The following GEMIN5 variants were observed in gnomAD, a reference collection of about 807,000 sequenced individuals.
The protein encoded by GEMIN5 is gem-associated protein 5.
A neutral mutation model predicts 176.9 loss-of-function variants in GEMIN5; 124 were observed. The observed-to-expected ratio is 0.70, with a 90% CI of 0.61 to 0.81. The LOEUF (loss-of-function observed/expected upper bound fraction) is 0.81, where lower values mean the gene tolerates loss of function less well. GEMIN5 is among the 40% of genes least tolerant of loss of function. GEMIN5 has a pLI of 0.00. For synonymous variants in GEMIN5, 673 were observed against 665.2 expected (o/e 1.01, Z -0.18); for missense variants, 1,843 against 1,814.6 (o/e 1.02, Z -0.28).
In GEMIN5 at chr5:154,928,640, C is replaced by T. The variant is rs1561728119; in HGVS notation, c.801G>A (p.Leu267=). Residue 267 remains leucine (L), a synonymous_variant, in exon 6 of 28, where the codon TTG becomes TTA. Coordinates refer to ENST00000285873, the MANE Select transcript of GEMIN5 (RefSeq NM_015465.5). ...CCCCTCCTCTTCTCTTCAGAAAGGG[C>T]AATTTCAAAATCATCACCCCTGCAG... ...SRGRGVMILK[L]PFLKRRGGGI... 1.2e-6 allele frequency: 2 copies of T among 1,613,910 alleles called. No individual in the cohort carries two copies. Among genetic ancestry groups the T allele is most frequent in the Non-Finnish European group, 8.5e-7 (1 of 1,179,850 alleles).
At chr5:154,888,886 C>T (rs1763163798) in intron 27 of GEMIN5, among the ~76,000 whole-genome samples, 1 of 148,504 alleles carries the variant, frequency 6.7e-6, no homozygotes, top group Non-Finnish European at 1.5e-5. Context: ...GAGACAGAGT[C>T]TCGCTCTGTT....
intron 13 of GEMIN5, 30 bp from the exon 14 acceptor site, chr5:154,913,068 GCTA>G: frequency 1.3e-6 from 2 of 1,563,912 alleles, no homozygotes; most frequent in Non-Finnish European, 1.7e-6. Context: ...CATCACTGCT[GCTA>G]CTACTAATAA....
intron 10 of GEMIN5, among the ~76,000 whole-genome samples, chr5:154,920,644 C>A (rs148616356): frequency 6.6e-6 from 1 of 152,256 alleles, no homozygotes; most frequent in East Asian, 1.9e-4. Context: ...AAATCAAATA[C>A]CCAGTAAACA....
At chr5:154,937,676 G>A (rs962662757) in intron 1 of GEMIN5, among the ~76,000 whole-genome samples, 2 of 152,180 alleles carry the variant, frequency 1.3e-5, no homozygotes, top group Non-Finnish European at 2.9e-5. Flanking sequence ...GGGCTGGCGC[G>A]CACCAGGCTG....
At chr5:154,932,860 C>T (rs1014334960) in intron 3 of GEMIN5, among the ~76,000 whole-genome samples, 2 of 152,126 alleles carry the variant, frequency 1.3e-5, no homozygotes, top group Admixed American at 6.5e-5. Flanking sequence ...CCACCACACC[C>T]GGCCAACTCT....
rs767535184 is a variant in GEMIN5, at chr5:154,925,939, C to G, written c.1216G>C (p.Val406Leu). ...AIGVGDGMIR[V>L]WNTLSIKNNY... ...TTCTTTATGGAGAGTGTATTCCATACACGGATCATGCCATCCCCAACACCT... is the reference window on the plus strand; with the variant it reads ...TTCTTTATGGAGAGTGTATTCCATAGACGGATCATGCCATCCCCAACACCT... Residue 406 changes from valine (V) to leucine (L), a missense_variant, in exon 8 of 28, where the codon GTA becomes CTA. Physicochemically the swap from Val to Leu is conservative, Grantham distance 32. Coordinates refer to ENST00000285873, the MANE Select transcript of GEMIN5 (RefSeq NM_015465.5). The G allele has an allele frequency of 1.2e-6, 2 of 1,613,644 alleles. No homozygotes were observed. The highest frequency in any genetic ancestry group is 2.2e-5 in the South Asian group (2 of 91,060).
chr5:154,935,771 A>G, intron 3 of GEMIN5, 70 bp downstream of exon 3: 1 of 1,054,736 alleles, frequency 9.5e-7, no homozygotes, highest in Non-Finnish European at 1.4e-6. Flanking sequence ...AAGGACAGAG[A>G]AGGTAAAGAA....
At position 154,928,584 on chromosome 5, in the gene GEMIN5, C is replaced by A. The variant is rs578036885; in HGVS notation, c.857G>T (p.Trp286Leu). The A allele has an allele frequency of 1.2e-6, 2 of 1,614,054 alleles. No homozygotes were observed. The highest frequency in any genetic ancestry group is 3.3e-5 in the Admixed American group (2 of 60,026). ...GIDPTVKERL[W>L]LTLHWPSNQP... is the part of the protein sequence containing the mutation. ...ATTGCTGGGCCAATGGAGTGTCAAC[C>A]AAAGGCGCTCTTTAACAGTTGGGTC... is the stretch of plus-strand genomic sequence containing the variant. The change falls in exon 6 of 28, where the codon TGG becomes TTG. Residue 286 changes from tryptophan to leucine, a missense_variant. Trp to Leu is a moderately conservative substitution (Grantham distance 61, BLOSUM62 -2). Coordinates refer to ENST00000285873, the MANE Select transcript of GEMIN5 (RefSeq NM_015465.5).
In GEMIN5 at chr5:154,889,402, A is replaced by AT. The variant is rs1483198277; in HGVS notation, c.4277dup (p.Asn1426LysfsTer2). ...TTAACTCAGGCAGAGAAAGTGGCTCATTTTTTTCTTCTTTACTAGTGAAAA... is the reference window on the plus strand; with the variant it reads ...TTAACTCAGGCAGAGAAAGTGGCTCATTTTTTTTCTTCTTTACTAGTGAAAA... On this transcript the variant is annotated frameshift_variant, in exon 27 of 28. Coordinates refer to ENST00000285873, the MANE Select transcript of GEMIN5 (RefSeq NM_015465.5). LOFTEE classifies it high-confidence loss of function. 6.2e-7 allele frequency: 1 copy of AT among 1,606,570 alleles called. No individual in the cohort carries two copies. Among genetic ancestry groups the AT allele is most frequent in the Non-Finnish European group, 8.5e-7 (1 of 1,173,572 alleles).
chr5:154,888,483 G>A (rs1763154568), intron 27 of GEMIN5, 106 bp from the exon 28 acceptor site: 2 of 870,626 alleles, frequency 2.3e-6, no homozygotes, highest in South Asian at 3.4e-5. Flanking sequence ...GACACTTCTT[G>A]GACACAGCTG....
rs151234175 is a variant in GEMIN5 at position 154,928,052 on chromosome 5, C to T, written c.914+475G>A. 5.2e-3 allele frequency among the ~76,000 whole-genome samples: 784 copies of T among 152,108 alleles called. 1 individual carries two copies. The highest frequency in any genetic ancestry group is 8.2e-3 in the Non-Finnish European group (556 of 68,010). ...CAAGTAGCTAGGGAAGACAGAAAGA[C>T]AGTTTATTATATACTTTCGTTCTTC... On this transcript the variant is annotated intron_variant, in intron 6 of 27. Coordinates refer to ENST00000285873, the MANE Select transcript of GEMIN5 (RefSeq NM_015465.5).
rs780245525 is a variant in GEMIN5, at chr5:154,937,073, T to A, written c.279A>T (p.Ile93=). Residue 93 remains isoleucine, a synonymous_variant, in exon 2 of 28, where the codon ATA becomes ATT. Transcript: ENST00000285873. ...CAACTGTTTTTGTCTCTACATCCCA[T>A]ATTTTCACAGTCCCATCGTCGGAGC... ...ATSSDDGTVK[I]WDVETKTVVT... 1.2e-6 allele frequency: 2 copies of A among 1,613,826 alleles called. No homozygotes were observed. Among genetic ancestry groups the A allele is most frequent in the African/African-American group, 1.3e-5 (1 of 74,930 alleles).
At chr5:154,929,173 G>A (rs1764107553) in intron 5 of GEMIN5, among the ~76,000 whole-genome samples, 1 of 152,194 alleles carries the variant, frequency 6.6e-6, no homozygotes, top group Non-Finnish European at 1.5e-5. Flanking sequence ...GCAGTGAGCT[G>A]AGATCGTGCC....
intron 5 of GEMIN5, among the ~76,000 whole-genome samples, chr5:154,929,630 G>C: frequency 6.6e-6 from 1 of 152,156 alleles, no homozygotes. Context: ...ACAATTGAAG[G>C]CCATTTTACC....
At chr5:154,903,508 T>C (rs1305250652) in intron 18 of GEMIN5, among the ~76,000 whole-genome samples, 1 of 152,132 alleles carries the variant, frequency 6.6e-6, no homozygotes, top group Non-Finnish European at 1.5e-5. Flanking sequence ...AACTGAGTAA[T>C]TTTCCAGTAA....
chr5:154,901,438 A>G lies in GEMIN5; in HGVS notation c.2915T>C (p.Leu972Pro). The G allele has an allele frequency of 1.2e-6, 2 of 1,614,010 alleles. No individual in the cohort carries two copies. Among genetic ancestry groups the G allele is most frequent in the Non-Finnish European group, 1.7e-6 (2 of 1,179,856 alleles). Residue 972 changes from leucine (L) to proline (P), a missense_variant, in exon 21 of 28, where the codon CTG (leucine) becomes CCG (proline). By Grantham distance (98) the Leu-to-Pro change is moderately conservative. Coordinates refer to ENST00000285873, the MANE Select transcript of GEMIN5 (RefSeq NM_015465.5). ...LWAVEAFAKQLCFQDQYVKAA... is the reference protein window; with the variant it reads ...LWAVEAFAKQPCFQDQYVKAA... Reference sequence around the variant, plus strand: ...CTTGACATACTGATCCTGAAAACACAGCTGTTTGGCAAAAGCTTCCACAGC... The same window carrying G: ...CTTGACATACTGATCCTGAAAACACGGCTGTTTGGCAAAAGCTTCCACAGC...
chr5:154,931,533 C>G lies in GEMIN5; in HGVS notation c.706G>C (p.Val236Leu). 6.2e-7 allele frequency: 1 copy of G among 1,612,450 alleles called. No individual in the cohort carries two copies. Among genetic ancestry groups the G allele is most frequent in the Non-Finnish European group, 8.5e-7 (1 of 1,178,576 alleles). The change falls in exon 5 of 28, where the codon GTA becomes CTA. Residue 236 changes from valine to leucine, a missense_variant. By Grantham distance (32) the Val-to-Leu change is conservative (BLOSUM62 1). Coordinates refer to ENST00000285873, the MANE Select transcript of GEMIN5 (RefSeq NM_015465.5). Reference protein sequence around the residue: ...TNGNAVAQAPVTKGCYLATGS... With the variant: ...TNGNAVAQAPLTKGCYLATGS... ...GTGGCTAAGTAGCAACCTTTTGTTA[C>G]TGGAGCTTGTGCTACAGCATTCCCG...
chr5:154,933,573 T>C (rs1413378068), intron 3 of GEMIN5, among the ~76,000 whole-genome samples: 1 of 152,250 alleles, frequency 6.6e-6, no homozygotes, highest in Non-Finnish European at 1.5e-5. Flanking sequence ...TTAAGATATA[T>C]GCATTTTTAT....
Position 154,917,006 on chromosome 5 carries a change from G to A in GEMIN5, c.1847C>T (p.Thr616Ile). 6.3e-7 allele frequency: 1 copy of A among 1,578,764 alleles called. No individual in the cohort carries two copies. The highest frequency in any genetic ancestry group is 8.7e-7 in the Non-Finnish European group (1 of 1,154,128). The change falls in exon 13 of 28, where the codon ACT becomes ATT. Residue 616 changes from threonine (T) to isoleucine (I), a missense_variant. Physicochemically the swap from Thr to Ile is moderately conservative, Grantham distance 89. Transcript: ENST00000285873. ...AAAGAAACCAAAGTTACCTATGACA[G>A]TCTTCAGGTTGTGCACGTAAATGAC... ...NAVIYVHNLK[T>I]VIESSPESPV...
Sources: allele counts gnomAD v4.1 joint callset (sites outside exome capture counted in the v4.1 genomes callset), GRCh38; gene constraint gnomAD v4.1.1; transcripts MANE v1.5; gene names NCBI Gene and HGNC (gene_info 2026-07-23, HGNC 2026-07-21).